Variants in UNC5D observed in about 807,000 individuals in gnomAD.
UNC5D encodes the protein unc-5 netrin receptor D, also known as netrin receptor UNC5D.
UNC5D carries 39 observed loss-of-function variants against 105.4 expected under a neutral mutation model. That is an observed-to-expected ratio of 0.37 (90% CI 0.29 to 0.48). The LOEUF (loss-of-function observed/expected upper bound fraction) is 0.48. Ranked by LOEUF, UNC5D falls within the 20% of genes least tolerant of loss-of-function variation. The pLI is 0.98. For missense variants in UNC5D, 991 were observed against 1,202.4 expected, an observed-to-expected ratio of 0.82 and a Z score of 2.60; for synonymous variants, 452 against 450.4, an observed-to-expected ratio of 1.00 and a Z score of -0.04.
chr8:35,380,102 G>GGAGA (rs375585779), intron 1 of UNC5D, among the ~76,000 whole-genome samples: 8 of 113,968 alleles, frequency 7.0e-5, no homozygotes, highest in East Asian at 4.8e-4. Context: ...GGGGGGTCGG[G>GGAGA]GAGAGAGAGA....
intron 4 of UNC5D, among the ~76,000 whole-genome samples, chr8:35,654,530 T>C (rs1823616034): frequency 6.6e-6 from 1 of 152,232 alleles, no homozygotes; most frequent in South Asian, 2.1e-4. Flanking sequence ...AAATGCCTGC[T>C]CTTAGGCTCA....
At chr8:35,652,696 A>G (rs1823496247) in intron 4 of UNC5D, among the ~76,000 whole-genome samples, 1 of 151,252 alleles carries the variant, frequency 6.6e-6, no homozygotes, top group Non-Finnish European at 1.5e-5. Context: ...TCTTCTCTTT[A>G]TATATTTAAA....
chr8:35,515,710 A>G (rs368685742), intron 1 of UNC5D, among the ~76,000 whole-genome samples: 8 of 152,340 alleles, frequency 5.3e-5, no homozygotes, highest in African/African-American at 1.9e-4. Flanking sequence ...ACAGATTTTA[A>G]AAGTCCATAT....
intron 1 of UNC5D, among the ~76,000 whole-genome samples, chr8:35,450,998 G>A (rs997048890): frequency 3.3e-5 from 5 of 151,594 alleles, no homozygotes; most frequent in Admixed American, 3.3e-4. Context: ...AGTTTATTGG[G>A]GTATAACCCT....
At chr8:35,640,760 C>A (rs943079236) in intron 4 of UNC5D, among the ~76,000 whole-genome samples, 2 of 152,110 alleles carry the variant, frequency 1.3e-5, no homozygotes, top group African/African-American at 4.8e-5. Flanking sequence ...GAATTCGGAT[C>A]TATTTACATT....
At chr8:35,246,955 G>A (rs781461125) in intron 1 of UNC5D, among the ~76,000 whole-genome samples, 1 of 152,124 alleles carries the variant, frequency 6.6e-6, no homozygotes, top group African/African-American at 2.4e-5. Context: ...TTGCTAAAAA[G>A]GGCCCTAAAA....
chr8:35,517,120 T>A (rs1295908001), intron 1 of UNC5D, among the ~76,000 whole-genome samples: 1 of 152,212 alleles, frequency 6.6e-6, no homozygotes, highest in Non-Finnish European at 1.5e-5. Flanking sequence ...GAGAGTTTCT[T>A]CCCTCTCTTT....
chr8:35,772,261 A>T (rs1802043097), intron 15 of UNC5D, among the ~76,000 whole-genome samples: 1 of 152,180 alleles, frequency 6.6e-6, no homozygotes, highest in Admixed American at 6.5e-5. Context: ...GAACTGGTGG[A>T]TTAATGCATT....
At chr8:35,697,555 C>T (rs1269393565) in intron 7 of UNC5D, among the ~76,000 whole-genome samples, 1 of 152,034 alleles carries the variant, frequency 6.6e-6, no homozygotes, top group Non-Finnish European at 1.5e-5. Context: ...ACTCCAAACT[C>T]CTCATCAAGT....
rs369514119 is a variant in UNC5D at position 35,461,502 on chromosome 8, G to A, written c.104-87790G>A. 1.5e-4 allele frequency among the ~76,000 whole-genome samples: 23 copies of A among 152,270 alleles called. 1 individual carries two copies. The South Asian group carries it at 4.6e-3, about 30-fold the overall frequency. On this transcript the variant is annotated intron_variant, in intron 1 of 16. Coordinates refer to ENST00000404895, the MANE Select transcript of UNC5D (RefSeq NM_080872.4). ...GAGGGTGAAAAAAATCCAATATACA[G>A]GATCATTAATGGATCCCATAACACA...
In UNC5D at chr8:35,582,776, T is replaced by G. The variant is rs144022532; in HGVS notation, c.467-12778T>G. On this transcript the variant is annotated intron_variant, in intron 3 of 16. Coordinates refer to ENST00000404895, the MANE Select transcript of UNC5D (RefSeq NM_080872.4). ...GGAGTGGTAGTGAATTACAATGAGGTGGTGAGTATTGAAAGCTTAAGGTTA... is the reference window on the plus strand; with the variant it reads ...GGAGTGGTAGTGAATTACAATGAGGGGGTGAGTATTGAAAGCTTAAGGTTA... Among the ~76,000 whole-genome samples, 572 of 152,280 alleles carry G rather than the reference T, an allele frequency of 3.8e-3. 4 individuals carry two copies. The highest frequency in any genetic ancestry group is 0.012 in the African/African-American group (485 of 41,568).
intron 1 of UNC5D, among the ~76,000 whole-genome samples, chr8:35,296,018 G>A (rs745918648): frequency 1.1e-4 from 16 of 152,074 alleles, no homozygotes; most frequent in Admixed American, 3.3e-4. Context: ...GCTTTTTTGT[G>A]GGTGAATAAT....
At chr8:35,735,018 T>C (rs1484629182) in intron 11 of UNC5D, among the ~76,000 whole-genome samples, 1 of 152,110 alleles carries the variant, frequency 6.6e-6, no homozygotes, top group Non-Finnish European at 1.5e-5. Context: ...CCTCGGGTTA[T>C]CCACCCGCCT....
chr8:35,570,586 T>C (rs765039343), intron 3 of UNC5D, among the ~76,000 whole-genome samples: 21 of 152,142 alleles, frequency 1.4e-4, no homozygotes, highest in Non-Finnish European at 2.6e-4. Context: ...TTATGGATTC[T>C]ATAAAAATTT....
intron 1 of UNC5D, among the ~76,000 whole-genome samples, chr8:35,322,051 T>C (rs1367044904): frequency 6.6e-6 from 1 of 152,174 alleles, no homozygotes; most frequent in Non-Finnish European, 1.5e-5. Context: ...TTGAACATAG[T>C]AGATGTTCGC....
At chr8:35,325,868 A>G (rs116939845) in intron 1 of UNC5D, among the ~76,000 whole-genome samples, 2 of 152,120 alleles carry the variant, frequency 1.3e-5, no homozygotes, top group Non-Finnish European at 1.5e-5. Flanking sequence ...TCATCCTATC[A>G]TCGTCCTCAG....
chr8:35,299,347 G>C (rs1341719457), intron 1 of UNC5D, among the ~76,000 whole-genome samples: 1 of 152,154 alleles, frequency 6.6e-6, no homozygotes, highest in African/African-American at 2.4e-5. Context: ...GCTAAGCCTG[G>C]AAAGAGCCTT....
intron 1 of UNC5D, among the ~76,000 whole-genome samples, chr8:35,254,140 G>C (rs965700530): frequency 2.6e-5 from 4 of 152,040 alleles, no homozygotes; most frequent in Non-Finnish European, 4.4e-5. Flanking sequence ...TCCCAATTAT[G>C]TTGTAAACTT....
At chr8:35,661,361 A>G (rs1295239704) in intron 4 of UNC5D, among the ~76,000 whole-genome samples, 25 of 152,138 alleles carry the variant, frequency 1.6e-4, no homozygotes, top group Admixed American at 1.6e-3. Context: ...GTCTTGGAGT[A>G]GGCAGGTTGG....
Sources: allele counts gnomAD v4.1 joint callset (sites outside exome capture counted in the v4.1 genomes callset), GRCh38; gene constraint gnomAD v4.1.1; transcripts MANE v1.5; gene names NCBI Gene and HGNC (gene_info 2026-07-23, HGNC 2026-07-21).